The following LRRIQ1 variants were observed in gnomAD, a reference collection of about 807,000 sequenced individuals.
The protein encoded by LRRIQ1 is leucine-rich repeat- and IQ domain-containing protein 1.
A neutral mutation model predicts 211.9 loss-of-function variants in LRRIQ1; 210 were observed. The ratio of observed to expected loss-of-function variants is 0.99; its 90% confidence interval spans 0.89 to 1.11. LRRIQ1 has a LOEUF of 1.11. Among genes scored for constraint, LRRIQ1 ranks in the 50% most tolerant of loss-of-function variants. The pLI is 0.00. For synonymous variants in LRRIQ1, 699 were observed against 650.1 expected (o/e 1.08, Z -1.14); for missense variants, 2,136 against 1,939.5 (o/e 1.10, Z -1.90).
chr12:85,143,832 A>G (rs1218393729), intron 19 of LRRIQ1, among the ~76,000 whole-genome samples: 1 of 151,588 alleles, frequency 6.6e-6, no homozygotes, highest in African/African-American at 2.4e-5. Flanking sequence ...ATATCTTTCT[A>G]TCAGGTGTTT....
At chr12:85,158,370 A>G (rs553441969) in intron 23 of LRRIQ1, among the ~76,000 whole-genome samples, 1 of 152,082 alleles carries the variant, frequency 6.6e-6, no homozygotes, top group East Asian at 1.9e-4. Flanking sequence ...AGATTATGAA[A>G]TATTGCTAGT....
downstream of LRRIQ1, among the ~76,000 whole-genome samples, chr12:85,268,218 A>C (rs1896463396): frequency 6.6e-6 from 1 of 152,036 alleles, no homozygotes; most frequent in Non-Finnish European, 1.5e-5. Context: ...TTGAAATGGA[A>C]GTAGAACTCA....
chr12:85,228,515 A>G (rs1592999191), intron 24 of LRRIQ1, among the ~76,000 whole-genome samples: 1 of 152,192 alleles, frequency 6.6e-6, no homozygotes, highest in East Asian at 1.9e-4. Flanking sequence ...AGAGTTTTAG[A>G]TACCCAAAGC....
chr12:85,111,108 T>C lies in LRRIQ1; in HGVS notation c.3377+4493T>C, dbSNP rs531633469. ...TAGATTATTTCTTGTTTACATTACA[T>C]TTGATGTGGGTTCAGCCTGTATAAT... On this transcript the variant is annotated intron_variant, in intron 15 of 26. Transcript: ENST00000393217. 3.3e-5 allele frequency among the ~76,000 whole-genome samples: 5 copies of C among 152,232 alleles called. No homozygotes were observed. The South Asian group carries it at 1.0e-3, about 32-fold the overall frequency.
intron 26 of LRRIQ1, among the ~76,000 whole-genome samples, chr12:85,244,548 T>C (rs939696205): frequency 6.6e-6 from 1 of 151,738 alleles, no homozygotes; most frequent in Non-Finnish European, 1.5e-5. Flanking sequence ...TGTACTAAAA[T>C]GTTTTCTTTT....
At position 85,081,106 on chromosome 12, in the gene LRRIQ1, T is replaced by G. The variant is rs150479153; in HGVS notation, c.2887+8008T>G. 5.4e-4 allele frequency among the ~76,000 whole-genome samples: 82 copies of G among 152,190 alleles called. 1 individual carries two copies. The East Asian group carries it at 0.014, about 25-fold the overall frequency. The stretch of plus-strand genomic sequence containing the variant: ...ACTCTTAAGGGATAGTGCATGCTGA[T>G]CCCAACCAAAAGTAAGGTAGGGGTT... On this transcript the variant is annotated intron_variant, in intron 11 of 26. Transcript: ENST00000393217.
intron 24 of LRRIQ1, among the ~76,000 whole-genome samples, chr12:85,171,221 C>T (rs1297206136): frequency 1.3e-5 from 2 of 152,008 alleles, no homozygotes; most frequent in African/African-American, 4.8e-5. Context: ...CACGACTGAA[C>T]TTAAAAATTC....
At chr12:85,068,422 A>G (rs1000579457) in intron 10 of LRRIQ1, among the ~76,000 whole-genome samples, 1 of 151,900 alleles carries the variant, frequency 6.6e-6, no homozygotes, top group African/African-American at 2.4e-5. Flanking sequence ...ACATTTATAA[A>G]TGTACAATAA....
chr12:85,073,904 T>C (rs1883356287), intron 11 of LRRIQ1, among the ~76,000 whole-genome samples: 3 of 152,056 alleles, frequency 2.0e-5, no homozygotes, highest in African/African-American at 2.4e-5. Context: ...AGAACTCTTA[T>C]GAAGGGAGAC....
chr12:85,212,813 A>G (rs989172106), intron 24 of LRRIQ1, among the ~76,000 whole-genome samples: 7 of 147,872 alleles, frequency 4.7e-5, no homozygotes, highest in Admixed American at 2.0e-4. Context: ...GAGAGAGAGA[A>G]AGAGAGAGAG....
At chr12:85,168,176 C>G (rs1340625143) in intron 24 of LRRIQ1, among the ~76,000 whole-genome samples, 1 of 152,148 alleles carries the variant, frequency 6.6e-6, no homozygotes, top group Admixed American at 6.5e-5. Context: ...GGTTTTTTAT[C>G]TGGAGGAGTG....
rs557310085 is a variant in LRRIQ1, at chr12:85,221,850, C to G, written c.4823-7667C>G. ...ACCAGGAATTTAACCTATGAGATGG[C>G]ACAATTAGATTTGTACTTTAGCAAG... On this transcript the variant is annotated intron_variant, in intron 24 of 26. Transcript: ENST00000393217. 2.0e-5 allele frequency among the ~76,000 whole-genome samples: 3 copies of G among 152,208 alleles called. No homozygotes were observed. The South Asian group carries it at 6.2e-4, about 32-fold the overall frequency.
chr12:85,271,883 G>A, the LRRIQ1 span, among the ~76,000 whole-genome samples: 4 of 151,982 alleles, frequency 2.6e-5, no homozygotes, highest in Non-Finnish European at 4.4e-5. Flanking sequence ...GATTTAGATG[G>A]CCAACCTAGG....
chr12:85,254,048 A>G lies in LRRIQ1; in HGVS notation c.122-8867A>G, dbSNP rs139884735. Among the ~76,000 whole-genome samples the G allele has an allele frequency of 6.3e-3, 953 of 152,100 alleles. 7 individuals carry two copies. Among genetic ancestry groups the G allele is most frequent in the African/African-American group, 0.022 (919 of 41,526 alleles). On this transcript the variant is annotated intron_variant, in intron 1 of 1. Coordinates refer to the LRRIQ1 transcript ENST00000602731. Reference sequence around the variant, plus strand: ...CCATGGTACCGTCCTTGCAATAGTGAGTCAGTTCTTCTGAGATCTGGTCAT... The same window carrying G: ...CCATGGTACCGTCCTTGCAATAGTGGGTCAGTTCTTCTGAGATCTGGTCAT...
intron 24 of LRRIQ1, among the ~76,000 whole-genome samples, chr12:85,204,403 A>G (rs1893444538): frequency 6.6e-6 from 1 of 152,156 alleles, no homozygotes; most frequent in South Asian, 2.1e-4. Flanking sequence ...GAAGAGGGCC[A>G]CCATCCTCCA....
exon 2 of LRRIQ1, chr12:85,263,089 T>G (rs1471676569): frequency 4.2e-5 from 41 of 987,492 alleles, no homozygotes; most frequent in Non-Finnish European, 4.9e-5. Flanking sequence ...TCAAAACATG[T>G]GGCAAACTGT....
chr12:85,135,645 A>G (rs1430853868), intron 18 of LRRIQ1, among the ~76,000 whole-genome samples: 2 of 97,518 alleles, frequency 2.1e-5, no homozygotes, highest in Admixed American at 2.3e-4. Context: ...GCATTCTCCA[A>G]AGGTCACCAA....
intron 24 of LRRIQ1, among the ~76,000 whole-genome samples, chr12:85,222,826 T>C (rs1313755734): frequency 6.6e-6 from 1 of 152,126 alleles, no homozygotes; most frequent in Non-Finnish European, 1.5e-5. Flanking sequence ...TCTTCTGTTG[T>C]GACAGGTAAG....
rs372300352 is a variant in LRRIQ1 at position 85,127,878 on chromosome 12, C to T, written c.4054C>T (p.Arg1352Cys). The change falls in exon 18 of 27, where the codon CGC (arginine) becomes TGC (cysteine). Residue 1352 changes from arginine to cysteine, a missense_variant. By Grantham distance (180) the Arg-to-Cys change is radical. Coordinates refer to ENST00000393217, the MANE Select transcript of LRRIQ1 (RefSeq NM_001079910.2). ...IQSYWRGYLM[R>C]RQTHFSTRLH... is the part of the protein sequence containing the mutation. ...GTCATACTGGCGTGGTTACCTCATG[C>T]GCAGACAGACTCATTTCTCCACAAG... The T allele has an allele frequency of 1.5e-5, 25 of 1,613,754 alleles. No homozygotes were observed. The highest frequency in any genetic ancestry group is 6.6e-5 in the South Asian group (6 of 91,084).
Sources: gnomAD v4.1 joint callset for allele counts (sites outside exome capture counted in the v4.1 genomes callset) on GRCh38, gnomAD v4.1.1 for gene constraint, MANE v1.5 for transcripts, NCBI Gene and HGNC (gene_info 2026-07-23, HGNC 2026-07-21) for gene names.